STAB2: variants seen among roughly 807,000 people sequenced by gnomAD.
STAB2 encodes stabilin 2.
Under a neutral mutation model 338.1 loss-of-function variants are expected in STAB2, and 288 were observed. That is an observed-to-expected ratio of 0.85 (90% CI 0.77 to 0.94). The LOEUF is 0.94. Among genes scored for constraint, STAB2 ranks in the 40% least tolerant of loss-of-function variants. STAB2 has a pLI of 0.00. For missense variants in STAB2, 3,141 were observed against 3,210.1 expected (o/e 0.98, Z 0.52); for synonymous variants, 1,202 against 1,193.3 (o/e 1.01, Z -0.15).
intron 8 of STAB2, 31 bp from the exon 9 acceptor site, chr12:103,640,092 C>T: frequency 6.3e-7 from 1 of 1,575,022 alleles, no homozygotes; most frequent in Non-Finnish European, 8.6e-7. Flanking sequence ...AACTAGGATC[C>T]TATTTGTTTT....
chr12:103,615,120 G>T (rs1237241073), intron 3 of STAB2, among the ~76,000 whole-genome samples: 1 of 152,166 alleles, frequency 6.6e-6, no homozygotes, highest in Admixed American at 6.5e-5. Context: ...TGTCTGTGGG[G>T]ATATATCCAC....
intron 33 of STAB2, among the ~76,000 whole-genome samples, chr12:103,698,444 G>A (rs1485528723): frequency 2.0e-5 from 3 of 152,098 alleles, no homozygotes; most frequent in South Asian, 2.1e-4. Context: ...AAGAGGGCAG[G>A]AAGGACCCTA....
chr12:103,680,818 AAGTG>A (rs1307975960), intron 25 of STAB2, among the ~76,000 whole-genome samples: 1 of 152,232 alleles, frequency 6.6e-6, no homozygotes, highest in African/African-American at 2.4e-5. Context: ...AGTTTCCAGA[AAGTG>A]AGAGAACAGA....
At chr12:103,745,318 G>A in intron 57 of STAB2, 41 bp downstream of exon 57, 4 of 1,578,592 alleles carry the variant, frequency 2.5e-6, no homozygotes, top group Non-Finnish European at 3.5e-6. Context: ...GCCCAGGGCT[G>A]CAGTGGACAC....
chr12:103,725,193 A>G, intron 45 of STAB2, 99 bp downstream of exon 45: 2 of 1,509,128 alleles, frequency 1.3e-6, no homozygotes, highest in Non-Finnish European at 1.8e-6. Context: ...TGAAATGTAA[A>G]GCGCTATAAA....
rs752688991 is a variant in STAB2 at position 103,695,770 on chromosome 12, G to GTT, written c.3508_3509insTT (p.Asp1170ValfsTer26). On this transcript the variant is annotated frameshift_variant, in exon 33 of 69. Coordinates refer to ENST00000388887, the MANE Select transcript of STAB2 (RefSeq NM_017564.10). LOFTEE classifies it high-confidence loss of function. ...TCTGGCGAATGCAATTGAGGCTGCC[G>GTT]ATGCCTACACAGTGTTTGCTCCAAA... 1.2e-6 allele frequency: 2 copies of GTT among 1,614,074 alleles called. No individual in the cohort carries two copies. The highest frequency in any genetic ancestry group is 4.5e-5 in the East Asian group (2 of 44,884).
intron 3 of STAB2, among the ~76,000 whole-genome samples, chr12:103,597,276 C>T (rs1956891154): frequency 2.6e-5 from 4 of 152,198 alleles, no homozygotes; most frequent in Admixed American, 2.6e-4. Context: ...AGGATAAGGC[C>T]ATTTCAGAGC....
intron 52 of STAB2, among the ~76,000 whole-genome samples, chr12:103,736,888 G>A (rs143556944): frequency 2.2e-4 from 33 of 152,258 alleles, no homozygotes; most frequent in African/African-American, 7.5e-4. Context: ...TATATTGGAA[G>A]AATAATGTAT....
chr12:103,602,843 T>C (rs1170308577), intron 3 of STAB2, among the ~76,000 whole-genome samples: 3 of 152,244 alleles, frequency 2.0e-5, no homozygotes, highest in Admixed American at 1.3e-4. Context: ...CTGTGTCTTG[T>C]CTTTCCAGTC....
intron 9 of STAB2, among the ~76,000 whole-genome samples, chr12:103,645,934 T>C (rs1873296374): frequency 6.6e-6 from 1 of 152,110 alleles, no homozygotes; most frequent in Admixed American, 6.6e-5. Flanking sequence ...CAATTCTTCA[T>C]AAAAACCCCA....
chr12:103,624,664 G>T (rs943367875), intron 5 of STAB2, among the ~76,000 whole-genome samples: 3 of 152,172 alleles, frequency 2.0e-5, no homozygotes, highest in Non-Finnish European at 4.4e-5. Context: ...ATTGGAGCTG[G>T]GCTCAGTGGC....
chr12:103,752,849 A>G (rs1266058397), intron 60 of STAB2, among the ~76,000 whole-genome samples: 1 of 152,236 alleles, frequency 6.6e-6, no homozygotes, highest in Non-Finnish European at 1.5e-5. Context: ...AGGAAAGAAG[A>G]TTGAAAGAAT....
intron 24 of STAB2, among the ~76,000 whole-genome samples, 159 bp downstream of exon 24, chr12:103,676,180 G>C (rs1876347065): frequency 2.0e-5 from 3 of 149,432 alleles, no homozygotes; most frequent in African/African-American, 7.4e-5. Context: ...TCCTGCCTCA[G>C]CCTCCCGAGT....
Position 103,621,341 on chromosome 12 carries a change from G to A in STAB2, c.418-701G>A, listed in dbSNP as rs555477668. Among the ~76,000 whole-genome samples the A allele has an allele frequency of 2.9e-4, 43 of 147,408 alleles. 1 individual carries two copies. The South Asian group carries it at 8.8e-3, about 30-fold the overall frequency. ...CTTTTACCAGTTGAAGAATTTCTTC[G>A]TTATCTCATGAAAGTGACTTTTTGC... On this transcript the variant is annotated intron_variant, in intron 4 of 68. Transcript: ENST00000388887.
intron 47 of STAB2, 118 bp downstream of exon 47, chr12:103,727,468 A>G: frequency 8.7e-7 from 1 of 1,149,678 alleles, no homozygotes; most frequent in Non-Finnish European, 1.3e-6. Context: ...ATCAGGTGGA[A>G]CTCACCAGCA....
At chr12:103,601,773 C>T (rs1447026385) in intron 3 of STAB2, among the ~76,000 whole-genome samples, 1 of 152,162 alleles carries the variant, frequency 6.6e-6, no homozygotes, top group African/African-American at 2.4e-5. Context: ...AATTATATAA[C>T]TTACCTTGTG....
Position 103,763,584 on chromosome 12 carries a change from A to T in STAB2, c.7581A>T (p.Pro2527=). 6.2e-7 allele frequency: 1 copy of T among 1,614,114 alleles called. No individual in the cohort carries two copies. Among genetic ancestry groups the T allele is most frequent in the Non-Finnish European group, 8.5e-7 (1 of 1,179,974 alleles). The change falls in exon 68 of 69, where the codon CCA becomes CCT. Residue 2527 remains proline, a synonymous_variant. Transcript: ENST00000388887. ...PLYESTTSAP[P]EPSYDPFTDS... ...ATGAGAGCACAACCTCAGCTCCCCC[A>T]GAACCTTCCTACGACCCCTTCACGG...
At chr12:103,663,239 C>G (rs555499379) in intron 18 of STAB2, among the ~76,000 whole-genome samples, 1 of 152,220 alleles carries the variant, frequency 6.6e-6, no homozygotes, top group South Asian at 2.1e-4. Context: ...ATTGGCTCCT[C>G]AGAGCTGCCA....
chr12:103,736,626 T>C (rs1486585026), intron 52 of STAB2, among the ~76,000 whole-genome samples: 2 of 152,032 alleles, frequency 1.3e-5, no homozygotes, highest in South Asian at 2.1e-4. Flanking sequence ...CACTTTGCAA[T>C]GTATTATTTA....
Sources: allele counts gnomAD v4.1 joint callset (sites outside exome capture counted in the v4.1 genomes callset), GRCh38; gene constraint gnomAD v4.1.1; transcripts MANE v1.5; gene names NCBI Gene and HGNC (gene_info 2026-07-23, HGNC 2026-07-21).